The following EPHA4 variants were observed in gnomAD, a reference collection of about 807,000 sequenced individuals.
EPHA4 encodes ephrin type-A receptor 4.
In EPHA4, 19 loss-of-function variants were observed where a neutral mutation model predicts 108.3. The observed-to-expected ratio is 0.18, with a 90% CI of 0.12 to 0.26. EPHA4 has a LOEUF of 0.26. Ranked by LOEUF, EPHA4 falls within the 10% of genes least tolerant of loss-of-function variation. EPHA4 has a pLI of 1.00. For missense variants in EPHA4, 917 were observed against 1,254.0 expected (o/e 0.73, Z 4.06); for synonymous variants, 449 against 455.5 (o/e 0.99, Z 0.18).
intron 3 of EPHA4, among the ~76,000 whole-genome samples, chr2:221,555,836 G>A (rs529667545): frequency 4.6e-5 from 7 of 152,276 alleles, no homozygotes; most frequent in South Asian, 2.1e-4. Flanking sequence ...GCTATAAATT[G>A]CTGCCTAATT....
In EPHA4 at chr2:221,419,014, T is replaced by C. The variant is rs1327056974; in HGVS notation, c.*2358A>G. 1 of 152,690 alleles carries C rather than the reference T, an allele frequency of 6.5e-6. No individual in the cohort carries two copies. The highest frequency in any genetic ancestry group is 1.5e-5 in the Non-Finnish European group (1 of 68,056). 9.5% of individuals were successfully genotyped at this position (152,690 alleles called of 1,614,324 possible). A position where few individuals can be genotyped will look rare whatever the true frequency, so the allele number is the denominator to read the frequency against. ...TGTAATAAATATTTATTGATGATTT[T>C]CTCTACTTATTCAACAATAAATGGT... On this transcript the variant is annotated 3_prime_UTR_variant, in exon 18 of 18. Coordinates refer to ENST00000281821, the MANE Select transcript of EPHA4 (RefSeq NM_004438.5).
intron 13 of EPHA4, among the ~76,000 whole-genome samples, chr2:221,435,379 ATCTAT>A (rs1690199838): frequency 6.6e-6 from 1 of 151,390 alleles, no homozygotes; most frequent in Non-Finnish European, 1.5e-5. Flanking sequence ...ATTCACAAAG[ATCTAT>A]TCTTTTCTAA....
chr2:221,497,959 A>T (rs961914702), intron 4 of EPHA4, among the ~76,000 whole-genome samples: 1 of 152,174 alleles, frequency 6.6e-6, no homozygotes, highest in African/African-American at 2.4e-5. Flanking sequence ...GCTAAAATCA[A>T]ATTTTCTCTT....
At chr2:221,550,044 G>A (rs1431686555) in intron 3 of EPHA4, among the ~76,000 whole-genome samples, 1 of 152,154 alleles carries the variant, frequency 6.6e-6, no homozygotes, top group African/African-American at 2.4e-5. Flanking sequence ...TGTAATTATG[G>A]ATGAGAGCAA....
intron 4 of EPHA4, among the ~76,000 whole-genome samples, chr2:221,499,853 G>A (rs1158480021): frequency 1.4e-5 from 2 of 146,542 alleles, no homozygotes; most frequent in East Asian, 4.1e-4. Flanking sequence ...TGCCTCCTGG[G>A]TTCAAGTGAT....
intron 3 of EPHA4, among the ~76,000 whole-genome samples, chr2:221,545,186 G>A (rs1485352146): frequency 5.3e-5 from 8 of 152,162 alleles, no homozygotes; most frequent in Admixed American, 3.9e-4. Flanking sequence ...GGTGGCTCAC[G>A]CCTTTAATCC....
chr2:221,566,972 A>AGAG (rs1553596001), intron 2 of EPHA4, among the ~76,000 whole-genome samples: 2 of 121,622 alleles, frequency 1.6e-5, no homozygotes, highest in Non-Finnish European at 3.5e-5. Flanking sequence ...AGGAAGAGGA[A>AGAG]GAAGAAGAAG....
At position 221,571,381 on chromosome 2, in the gene EPHA4, C is replaced by T. The variant is rs1694833023; in HGVS notation, c.91+777G>A. Among the ~76,000 whole-genome samples, 1 of 151,752 alleles carries T rather than the reference C, an allele frequency of 6.6e-6. No homozygotes were observed. The highest frequency in any genetic ancestry group is 6.6e-5 in the Admixed American group (1 of 15,246). Reference sequence around the variant, plus strand: ...GCACATACAATCCTCCCAGCACGTCCGAACGGATGCACAGAAAACTGAGCA... The same window carrying T: ...GCACATACAATCCTCCCAGCACGTCTGAACGGATGCACAGAAAACTGAGCA... On this transcript the variant is annotated intron_variant, in intron 1 of 17. Transcript: ENST00000281821. This position sits in a 1 kb window ranked among gnomAD's most constrained non-coding sequence, Gnocchi z 6.3.
intron 13 of EPHA4, among the ~76,000 whole-genome samples, chr2:221,434,606 G>A (rs1028256566): frequency 6.6e-6 from 1 of 152,222 alleles, no homozygotes; most frequent in East Asian, 1.9e-4. Flanking sequence ...TATCTACGGG[G>A]TATCAGTGAT....
At chr2:221,540,012 T>C (rs1443240103) in intron 3 of EPHA4, among the ~76,000 whole-genome samples, 1 of 152,162 alleles carries the variant, frequency 6.6e-6, no homozygotes, top group Non-Finnish European at 1.5e-5. Context: ...CTTTGCCTCC[T>C]GGGTTCAAGC....
intron 3 of EPHA4, among the ~76,000 whole-genome samples, chr2:221,511,685 T>C (rs1370095138): frequency 1.3e-5 from 2 of 152,264 alleles, no homozygotes; most frequent in African/African-American, 4.8e-5. Flanking sequence ...TAGGAATTTT[T>C]GATTAATCAC....
intron 4 of EPHA4, among the ~76,000 whole-genome samples, chr2:221,482,923 C>G (rs535673117): frequency 1.2e-3 from 178 of 152,338 alleles, no homozygotes; most frequent in Middle Eastern, 0.01. Context: ...TCGGTTGTCA[C>G]TTTGAGATGT....
chr2:221,440,930 T>C (rs1311111020), intron 11 of EPHA4, among the ~76,000 whole-genome samples: 3 of 152,068 alleles, frequency 2.0e-5, no homozygotes, highest in Non-Finnish European at 4.4e-5. Context: ...ACCAGCAGCA[T>C]TGGCTTCACC....
chr2:221,536,967 A>C (rs1257134672), intron 3 of EPHA4, among the ~76,000 whole-genome samples: 1 of 152,238 alleles, frequency 6.6e-6, no homozygotes, highest in Non-Finnish European at 1.5e-5. Flanking sequence ...TCATCAGGTA[A>C]ATACATAGCG....
chr2:221,455,457 C>G (rs1252588260), intron 8 of EPHA4, 90 bp downstream of exon 8: 1 of 1,018,536 alleles, frequency 9.8e-7, no homozygotes, highest in African/African-American at 1.6e-5. Context: ...ATGACGCAAT[C>G]AAAAGCCTTA....
At chr2:221,564,887 C>CAAAAAA (rs1233305564) in intron 2 of EPHA4, among the ~76,000 whole-genome samples, 1 of 73,066 alleles carries the variant, frequency 1.4e-5, no homozygotes, top group African/African-American at 4.8e-5. Context: ...TCTAATACCT[C>CAAAAAA]AAAAAAAAAA....
At chr2:221,549,841 A>T (rs1267329531) in intron 3 of EPHA4, among the ~76,000 whole-genome samples, 1 of 152,154 alleles carries the variant, frequency 6.6e-6, no homozygotes, top group Non-Finnish European at 1.5e-5. Flanking sequence ...ACTAAAAAAA[A>T]TTAGCCAGTC....
chr2:221,436,706 C>A, intron 12 of EPHA4, 98 bp from the exon 13 acceptor site: 2 of 1,219,778 alleles, frequency 1.6e-6, no homozygotes, highest in East Asian at 2.4e-5. Context: ...TATCTGTATC[C>A]GGTATGCAAT....
At chr2:221,460,744 C>G (rs1165939171) in intron 5 of EPHA4, among the ~76,000 whole-genome samples, 1 of 152,152 alleles carries the variant, frequency 6.6e-6, no homozygotes. Context: ...GAAGGCATCA[C>G]CCTACTGTGT....
Sources: allele counts gnomAD v4.1 joint callset (sites outside exome capture counted in the v4.1 genomes callset), GRCh38; gene constraint gnomAD v4.1.1; non-coding constraint Gnocchi (gnomAD v3.1); transcripts MANE v1.5; gene names NCBI Gene and HGNC (gene_info 2026-07-23, HGNC 2026-07-21).